The following BMPR2 variants were observed in gnomAD, a reference collection of about 807,000 sequenced individuals.
BMPR2 encodes the protein bone morphogenetic protein receptor type-2.
Under a neutral mutation model 100.8 loss-of-function variants are expected in BMPR2, and 29 were observed. The observed-to-expected ratio is 0.29, with a 90% CI of 0.21 to 0.39. BMPR2 has a LOEUF of 0.39. Ranked by LOEUF, BMPR2 falls within the 10% of genes least tolerant of loss-of-function variation. The pLI is 1.00. For synonymous variants in BMPR2, 382 were observed against 442.3 expected (o/e 0.86, Z 1.71); for missense variants, 1,011 against 1,274.5 (o/e 0.79, Z 3.15).
intron 3 of BMPR2, among the ~76,000 whole-genome samples, chr2:202,491,995 C>T (rs559219886): frequency 6.6e-6 from 1 of 152,124 alleles, no homozygotes; most frequent in Admixed American, 6.5e-5. Context: ...TTATTTTCAG[C>T]TACATACAAA....
chr2:202,423,613 G>A (rs1691316515), intron 1 of BMPR2, among the ~76,000 whole-genome samples: 2 of 151,742 alleles, frequency 1.3e-5, no homozygotes. Context: ...AAAATTTCTC[G>A]GGATGTTGGC....
At chr2:202,390,175 A>G (rs867083647) in intron 1 of BMPR2, among the ~76,000 whole-genome samples, 1 of 152,138 alleles carries the variant, frequency 6.6e-6, no homozygotes, top group African/African-American at 2.4e-5. Flanking sequence ...TTGTACATAA[A>G]GTTTTGTGAT....
intron 1 of BMPR2, 137 bp downstream of exon 1, chr2:202,377,687 G>T (rs1347938669): frequency 1.0e-6 from 1 of 956,598 alleles, no homozygotes; most frequent in East Asian, 2.6e-5. Context: ...GCGACCCGGT[G>T]CCTGCGCGCC....
intron 5 of BMPR2, among the ~76,000 whole-genome samples, chr2:202,516,348 T>C (rs1403000370): frequency 6.6e-6 from 1 of 152,096 alleles, no homozygotes; most frequent in Admixed American, 6.5e-5. Flanking sequence ...AGAACTGATA[T>C]AAATCAAGAT....
chr2:202,416,361 C>CT (rs1272794652), intron 1 of BMPR2, among the ~76,000 whole-genome samples: 1 of 150,952 alleles, frequency 6.6e-6, no homozygotes, highest in Non-Finnish European at 1.5e-5. Flanking sequence ...ACCTCCTGGG[C>CT]TTTATCAACC....
intron 1 of BMPR2, among the ~76,000 whole-genome samples, chr2:202,400,654 T>A (rs971621551): frequency 2.6e-5 from 4 of 152,150 alleles, no homozygotes; most frequent in African/African-American, 9.7e-5. Flanking sequence ...TTAATGAGAG[T>A]TTTAAAATTT....
At chr2:202,475,980 A>G (rs1692541952) in intron 3 of BMPR2, among the ~76,000 whole-genome samples, 1 of 151,370 alleles carries the variant, frequency 6.6e-6, no homozygotes, top group Non-Finnish European at 1.5e-5. Flanking sequence ...AGGCCAAGGC[A>G]GGAGAATCGC....
intron 10 of BMPR2, among the ~76,000 whole-genome samples, chr2:202,542,904 C>T (rs1409323425): frequency 1.3e-5 from 2 of 151,846 alleles, no homozygotes; most frequent in Non-Finnish European, 2.9e-5. Context: ...CGGCTGGGTG[C>T]GGTGGCTCAC....
chr2:202,520,244 A>G (rs754618172), intron 7 of BMPR2, 43 bp downstream of exon 7: 1 of 1,364,912 alleles, frequency 7.3e-7, no homozygotes, highest in Non-Finnish European at 1.0e-6. Flanking sequence ...TGTGGGTTCA[A>G]AATTCACAAC....
chr2:202,377,936 A>G (rs1690187466), intron 1 of BMPR2, among the ~76,000 whole-genome samples: 1 of 152,272 alleles, frequency 6.6e-6, no homozygotes. Context: ...TTATTATTAT[A>G]AAGAAGCGGT....
rs1688681553 is a variant in BMPR2 at position 202,561,718 on chromosome 2, TTAGC to T, written c.*1775_*1778del. On this transcript the variant is annotated 3_prime_UTR_variant, in exon 13 of 13. Coordinates refer to ENST00000374580, the MANE Select transcript of BMPR2 (RefSeq NM_001204.7). ...CACTCATATTCCTCTATCTTATCAC[TTAGC>T]TAAAGACAGCCTAAATTTCCCAATT... 1 of 152,178 alleles carries T rather than the reference TTAGC, an allele frequency of 6.6e-6. No homozygotes were observed. 9.4% of individuals were successfully genotyped at this position (152,178 alleles called of 1,614,324 possible).
intron 3 of BMPR2, among the ~76,000 whole-genome samples, chr2:202,475,947 G>T (rs547416237): frequency 1.3e-5 from 2 of 152,116 alleles, no homozygotes; most frequent in Admixed American, 1.3e-4. Context: ...GGTGGCACAT[G>T]CCTGTAATCT....
intron 3 of BMPR2, among the ~76,000 whole-genome samples, chr2:202,484,525 T>A (rs1007897669): frequency 6.8e-6 from 1 of 147,246 alleles, no homozygotes; most frequent in African/African-American, 2.5e-5. Flanking sequence ...ATACAAAAAA[T>A]TAGCGGGCTT....
intron 1 of BMPR2, among the ~76,000 whole-genome samples, chr2:202,413,013 C>T (rs1045658552): frequency 6.6e-6 from 1 of 152,072 alleles, no homozygotes; most frequent in Admixed American, 6.6e-5. Flanking sequence ...TTATTTGTAA[C>T]CCCCAAATTA....
chr2:202,514,764 A>T, intron 4 of BMPR2, 124 bp from the exon 5 acceptor site: 1 of 762,156 alleles, frequency 1.3e-6, no homozygotes, highest in Non-Finnish European at 2.2e-6. Flanking sequence ...TATTGACATT[A>T]GGCATAAATC....
At chr2:202,522,935 C>T (rs772994029) in intron 7 of BMPR2, among the ~76,000 whole-genome samples, 5 of 152,110 alleles carry the variant, frequency 3.3e-5, no homozygotes, top group African/African-American at 1.2e-4. Flanking sequence ...AAACTATCCA[C>T]GGAGTAAACA....
intron 1 of BMPR2, among the ~76,000 whole-genome samples, chr2:202,445,964 T>C (rs1047392139): frequency 6.7e-5 from 10 of 149,466 alleles, no homozygotes; most frequent in Non-Finnish European, 1.2e-4. Flanking sequence ...TTAGTAGAGA[T>C]GGGGTTTCAC....
chr2:202,480,605 CT>C (rs1478700592), intron 3 of BMPR2, among the ~76,000 whole-genome samples: 1 of 152,012 alleles, frequency 6.6e-6, no homozygotes, highest in East Asian at 1.9e-4. Context: ...TTTCCAGTAT[CT>C]TTTGTGGAAA....
At chr2:202,559,413 A>G (rs1290351386) in intron 12 of BMPR2, among the ~76,000 whole-genome samples, 1 of 152,184 alleles carries the variant, frequency 6.6e-6, no homozygotes, top group Admixed American at 6.5e-5. Context: ...AGATTTGAGA[A>G]TACAGCTGAG....
Sources: gnomAD v4.1 joint callset for allele counts (sites outside exome capture counted in the v4.1 genomes callset) on GRCh38, gnomAD v4.1.1 for gene constraint, MANE v1.5 for transcripts, NCBI Gene and HGNC (gene_info 2026-07-23, HGNC 2026-07-21) for gene names.